Variants in KHSRP observed in about 807,000 individuals in gnomAD.
KHSRP encodes KH-type splicing regulatory protein.
In KHSRP, 13 loss-of-function variants were observed where a neutral mutation model predicts 94.9. That is an observed-to-expected ratio of 0.14 (90% CI 0.09 to 0.22). KHSRP has a LOEUF of 0.22. Ranked by LOEUF, KHSRP falls within the 10% of genes least tolerant of loss-of-function variation. The pLI is 1.00. For missense variants in KHSRP, 710 were observed against 1,010.0 expected (o/e 0.70, Z 4.03); for synonymous variants, 495 against 401.4 (o/e 1.23, Z -2.79).
chr19:6,422,275 A>G, intron 2 of KHSRP, 65 bp downstream of exon 2: 1 of 1,135,264 alleles, frequency 8.8e-7, no homozygotes, highest in Non-Finnish European at 1.3e-6. Flanking sequence ...ACCACACTCA[A>G]ACAAAAGCAC....
chr19:6,416,973 C>G lies in KHSRP; in HGVS notation c.1182+14G>C, dbSNP rs777283292. On this transcript the variant is annotated intron_variant, in intron 12 of 18. Coordinates refer to ENST00000600480, the MANE Select transcript of KHSRP (RefSeq NM_001366299.1). The stretch of plus-strand genomic sequence containing the variant: ...GAGGCCCTGCCAGCCCCTTCAGCAC[C>G]CGGGGCCACCTACCCTGAGGCTCTG... 5 of 1,613,578 alleles carry G rather than the reference C, an allele frequency of 3.1e-6. No individual in the cohort carries two copies. The African/African-American group carries it at 6.7e-5, about 22-fold the overall frequency.
chr19:6,418,217 C>A lies in KHSRP; in HGVS notation c.880-138G>T. The A allele has an allele frequency of 1.4e-6, 1 of 732,198 alleles. No individual in the cohort carries two copies. Among genetic ancestry groups the A allele is most frequent in the South Asian group, 1.7e-5 (1 of 59,624 alleles). The allele number at this position is 732,198 out of a possible 1,614,324, so 45.4% of individuals were successfully genotyped here. A position where few individuals can be genotyped will look rare whatever the true frequency, so the allele number is the denominator to read the frequency against. ...GCACAGCACCCTACTGAGCTCTCTACCTGCCACTTTAATGGGGAGGCACTA... is the reference window on the plus strand; with the variant it reads ...GCACAGCACCCTACTGAGCTCTCTAACTGCCACTTTAATGGGGAGGCACTA... On this transcript the variant is annotated intron_variant, in intron 9 of 18. Transcript: ENST00000600480. This position sits in a 1 kb window ranked among gnomAD's most constrained non-coding sequence, Gnocchi z 4.3.
chr19:6,418,176 A>T lies in KHSRP; in HGVS notation c.880-97T>A. 3.9e-6 allele frequency: 4 copies of T among 1,038,376 alleles called. No individual in the cohort carries two copies. The highest frequency in any genetic ancestry group is 5.9e-6 in the Non-Finnish European group (4 of 680,320). The allele number at this position is 1,038,376 out of a possible 1,614,324, so 64.3% of individuals were successfully genotyped here. ...GCGGGCCTCAACTAAGGACCCACGAACCCTGGGTGAGCCCAGCACAGCACC... is the reference window on the plus strand; with the variant it reads ...GCGGGCCTCAACTAAGGACCCACGATCCCTGGGTGAGCCCAGCACAGCACC... On this transcript the variant is annotated intron_variant, in intron 9 of 18. Coordinates refer to ENST00000600480, the MANE Select transcript of KHSRP (RefSeq NM_001366299.1). The surrounding 1 kb of genome is among the most constrained non-coding windows in gnomAD (Gnocchi z 4.3).
rs1435434016 is a variant in KHSRP, at chr19:6,419,279, G to A, written c.548-19C>T. Reference sequence around the variant, plus strand: ...CCGCTGTCTGAAAAGAGGAGATAGAGTCAGTGCCCTCCCTGGCCCACAGGC... The same window carrying A: ...CCGCTGTCTGAAAAGAGGAGATAGAATCAGTGCCCTCCCTGGCCCACAGGC... On this transcript the variant is annotated intron_variant, in intron 6 of 18. Transcript: ENST00000600480. 5.2e-6 allele frequency: 8 copies of A among 1,552,622 alleles called. No homozygotes were observed. In the East Asian group the frequency reaches 1.7e-4, roughly 33 times the overall value.
At chr19:6,416,253 C>G (rs374589162) in intron 15 of KHSRP, 45 bp downstream of exon 15, 9 of 1,462,666 alleles carry the variant, frequency 6.2e-6, no homozygotes, top group Non-Finnish European at 8.4e-6. Context: ...CTTGCCAGCT[C>G]AGTAAGCCCC....
chr19:6,415,691 G>A lies in KHSRP; in HGVS notation c.1731C>T (p.Ala577=), dbSNP rs765320420. The A allele has an allele frequency of 2.1e-5, 32 of 1,548,140 alleles. No individual in the cohort carries two copies. The highest frequency in any genetic ancestry group is 1.5e-4 in the East Asian group (6 of 40,926). ...GCTGGTAGTAGTGTGAGTAGTAGGC[G>A]GCCCACGCGGCGTTGGGGTCCGCGG... is the stretch of plus-strand genomic sequence containing the variant. ...AAAADPNAAW[A]AYYSHYYQQP... Residue 577 remains alanine, a synonymous_variant, in exon 17 of 19, where the codon GCC becomes GCT. Coordinates refer to ENST00000600480, the MANE Select transcript of KHSRP (RefSeq NM_001366299.1).
Position 6,414,263 on chromosome 19 carries a change from G to A in KHSRP, c.*761C>T, listed in dbSNP as rs755613299. The A allele has an allele frequency of 6.8e-7, 1 of 1,463,302 alleles. No individual in the cohort carries two copies. Among genetic ancestry groups the A allele is most frequent in the Non-Finnish European group, 9.1e-7 (1 of 1,104,442 alleles). 90.6% of individuals were successfully genotyped at this position (1,463,302 alleles called of 1,614,324 possible). A position where few individuals can be genotyped will look rare whatever the true frequency, so the allele number is the denominator to read the frequency against. Reference sequence around the variant, plus strand: ...AACCTGCGCTGGCTCAGGCTGGAAGGACGTGCTTGTTAACTGTCTAGCCAG... The same window carrying A: ...AACCTGCGCTGGCTCAGGCTGGAAGAACGTGCTTGTTAACTGTCTAGCCAG... On this transcript the variant is annotated 3_prime_UTR_variant, in exon 19 of 19. Coordinates refer to ENST00000600480, the MANE Select transcript of KHSRP (RefSeq NM_001366299.1).
intron 1 of KHSRP, among the ~76,000 whole-genome samples, chr19:6,423,912 G>A (rs994425931): frequency 2.0e-5 from 3 of 152,162 alleles, no homozygotes; most frequent in African/African-American, 7.2e-5. Context: ...GCATCCAAGA[G>A]CCAGTCCCCA....
In KHSRP at chr19:6,424,471, G is replaced by C. The variant is rs2092219872; in HGVS notation, c.231C>G (p.Ala77=). ...PGIRKDAFAD[A]VQRARQIAAK... ...TCCTCACCTGGCGGGCCCGCTGCAC[G>C]GCGTCGGCGAAAGCGTCCTTGCGGA... is the stretch of plus-strand genomic sequence containing the variant. The change falls in exon 1 of 19, where the codon GCC becomes GCG. Residue 77 remains alanine, a synonymous_variant. Transcript: ENST00000600480. The C allele has an allele frequency of 5.1e-6, 5 of 989,724 alleles. No individual in the cohort carries two copies. The Middle Eastern group carries it at 1.5e-3, about 303-fold the overall frequency. The allele number at this position is 989,724 out of a possible 1,614,324, so 61.3% of individuals were successfully genotyped here.
At chr19:6,423,310 T>C (rs1052368480) in intron 1 of KHSRP, among the ~76,000 whole-genome samples, 4 of 152,152 alleles carry the variant, frequency 2.6e-5, no homozygotes, top group Admixed American at 1.3e-4. Context: ...ACCAAGACTC[T>C]ATGGGACACA....
At position 6,415,763 on chromosome 19, in the gene KHSRP, G is replaced by T. The variant is rs1266847723; in HGVS notation, c.1688-29C>A. 8.4e-6 allele frequency: 13 copies of T among 1,552,252 alleles called. No individual in the cohort carries two copies. The East Asian group carries it at 2.7e-4, about 32-fold the overall frequency. ...CAGGAGATACCTCGGGTGAGACGGG[G>T]GGACAGAACAGGGCCTGCCCTCCGC... On this transcript the variant is annotated intron_variant, in intron 16 of 18. Transcript: ENST00000600480.
chr19:6,416,168 G>GTATCCA (rs2092144715), intron 15 of KHSRP, 130 bp downstream of exon 15: 1 of 718,578 alleles, frequency 1.4e-6, no homozygotes, highest in African/African-American at 1.8e-5. Context: ...CCTGTTGATG[G>GTATCCA]TATCCACAAA....
intron 15 of KHSRP, 72 bp downstream of exon 15, chr19:6,416,226 T>C: frequency 8.0e-7 from 1 of 1,253,562 alleles, no homozygotes; most frequent in East Asian, 2.5e-5. Flanking sequence ...GAAAGGGAAA[T>C]GGGGTCTGCT....
At chr19:6,417,239 G>T (rs949192184) in intron 11 of KHSRP, among the ~76,000 whole-genome samples, 152 bp from the exon 12 acceptor site, 12 of 152,236 alleles carry the variant, frequency 7.9e-5, no homozygotes, top group Non-Finnish European at 1.8e-4. Context: ...AGGGATTGAG[G>T]GGGAGGCGGC....
Position 6,416,363 on chromosome 19 carries a change from AGGGCCTGGGCCACCT to A in KHSRP, c.1518_1532del (p.Gly507_Pro511del), listed in dbSNP as rs755808741. On this transcript the variant is annotated inframe_deletion, in exon 15 of 19. Coordinates refer to ENST00000600480, the MANE Select transcript of KHSRP (RefSeq NM_001366299.1). ...GATTGAAGGGCCCCATTGGGCCAGC[AGGGCCTGGGCCACCT>A]GGGCCTGGTCCAACTGGGCAGAGAG... 14 of 1,611,348 alleles carry A rather than the reference AGGGCCTGGGCCACCT, an allele frequency of 8.7e-6. No individual in the cohort carries two copies. The highest frequency in any genetic ancestry group is 4.5e-5 in the East Asian group (2 of 44,880).
Position 6,418,949 on chromosome 19 carries a change from G to T in KHSRP, c.606-73C>A. On this transcript the variant is annotated intron_variant, in intron 7 of 18. Coordinates refer to ENST00000600480, the MANE Select transcript of KHSRP (RefSeq NM_001366299.1). The surrounding 1 kb of genome is among the most constrained non-coding windows in gnomAD (Gnocchi z 4.3). ...AGGTACTGGTCTGGTGGCCCACCCAGCTCAAAGGGAAGGCGACCCCAGAGT... is the reference window on the plus strand; with the variant it reads ...AGGTACTGGTCTGGTGGCCCACCCATCTCAAAGGGAAGGCGACCCCAGAGT... 1 of 1,434,168 alleles carries T rather than the reference G, an allele frequency of 7.0e-7. No homozygotes were observed. Among genetic ancestry groups the T allele is most frequent in the Non-Finnish European group, 9.2e-7 (1 of 1,085,220 alleles). The allele number at this position is 1,434,168 out of a possible 1,614,324, so 88.8% of individuals were successfully genotyped here.
chr19:6,416,411 G>C lies in KHSRP; in HGVS notation c.1489-4C>G. On this transcript the variant is annotated splice_region_variant and splice_polypyrimidine_tract_variant and intron_variant, in intron 14 of 18. Transcript: ENST00000600480. ...GTCCAACTGGGCAGAGAGGACCCTAGAAGGAAGGAGAGTAACCAAGGTAAG... is the reference window on the plus strand; with the variant it reads ...GTCCAACTGGGCAGAGAGGACCCTACAAGGAAGGAGAGTAACCAAGGTAAG... 1 of 1,612,904 alleles carries C rather than the reference G, an allele frequency of 6.2e-7. No homozygotes were observed. Among genetic ancestry groups the C allele is most frequent in the South Asian group, 1.1e-5 (1 of 91,054 alleles).
rs529768741 is a variant in KHSRP, at chr19:6,419,808, G to A, written c.547+265C>T. The stretch of plus-strand genomic sequence containing the variant: ...AGGTCAGTGCAGTGCGTCGAAGCTC[G>A]GTGTCTGGAACCAGGCCCCTGTGCG... On this transcript the variant is annotated intron_variant, in intron 6 of 18. Coordinates refer to ENST00000600480, the MANE Select transcript of KHSRP (RefSeq NM_001366299.1). Among the ~76,000 whole-genome samples the A allele has an allele frequency of 9.1e-4, 139 of 152,268 alleles. 1 individual carries two copies. Among genetic ancestry groups the A allele is most frequent in the Admixed American group, 1.8e-3 (28 of 15,298 alleles).
At chr19:6,423,206 G>A (rs1217301175) in intron 1 of KHSRP, among the ~76,000 whole-genome samples, 1 of 152,210 alleles carries the variant, frequency 6.6e-6, no homozygotes, top group East Asian at 1.9e-4. Flanking sequence ...TTCAACTGGA[G>A]AGGTGGAGGC....
Sources: allele counts gnomAD v4.1 joint callset (sites outside exome capture counted in the v4.1 genomes callset), GRCh38; gene constraint gnomAD v4.1.1; non-coding constraint Gnocchi (gnomAD v3.1); transcripts MANE v1.5; gene names NCBI Gene and HGNC (gene_info 2026-07-23, HGNC 2026-07-21).